The following UBAC2 variants were observed in gnomAD, a reference collection of about 807,000 sequenced individuals.
UBAC2 encodes the protein ubiquitin-associated domain-containing protein 2.
Under a neutral mutation model 44.0 loss-of-function variants are expected in UBAC2, and 26 were observed. The ratio of observed to expected loss-of-function variants is 0.59; its 90% CI spans 0.43 to 0.82. The LOEUF (loss-of-function observed/expected upper bound fraction) is 0.82, where lower values mean the gene tolerates loss of function less well. Ranked by LOEUF, UBAC2 falls within the 40% of genes least tolerant of loss-of-function variation. The probability of loss-of-function intolerance (pLI) is 0.00; values close to 1 mark genes in which losing one functional copy is unlikely to be tolerated. For missense variants in UBAC2, 329 were observed against 419.4 expected (o/e 0.78, Z 1.88); for synonymous variants, 155 against 154.3 (o/e 1.00, Z -0.04).
intron 8 of UBAC2, among the ~76,000 whole-genome samples, chr13:99,369,430 ACTTG>A (rs771214165): frequency 9.7e-4 from 148 of 152,250 alleles, no homozygotes; most frequent in Non-Finnish European, 1.8e-3. Flanking sequence ...TCTGTTTTTC[ACTTG>A]CAGCACGATA....
chr13:99,292,478 G>C (rs2044104160), intron 4 of UBAC2, among the ~76,000 whole-genome samples: 1 of 151,978 alleles, frequency 6.6e-6, no homozygotes, highest in South Asian at 2.1e-4. Context: ...AATTTATCAG[G>C]GTGCCTGTTC....
At chr13:99,274,031 G>A (rs1180515376) in intron 4 of UBAC2, among the ~76,000 whole-genome samples, 1 of 152,028 alleles carries the variant, frequency 6.6e-6, no homozygotes, top group Non-Finnish European at 1.5e-5. Flanking sequence ...TTTACAAAGT[G>A]ACACCTTCTA....
chr13:99,262,301 C>T (rs1175146027), intron 4 of UBAC2, among the ~76,000 whole-genome samples: 1 of 152,176 alleles, frequency 6.6e-6, no homozygotes, highest in Non-Finnish European at 1.5e-5. Context: ...GGGTTTGGTA[C>T]TATCTGCAGT....
At chr13:99,372,852 C>T (rs2045426221) in intron 8 of UBAC2, among the ~76,000 whole-genome samples, 1 of 152,242 alleles carries the variant, frequency 6.6e-6, no homozygotes, top group African/African-American at 2.4e-5. Context: ...CGGTGGCCCA[C>T]ACCTGTGATC....
At chr13:99,367,653 C>T in intron 7 of UBAC2, 134 bp from the exon 8 acceptor site, 9 of 1,247,536 alleles carry the variant, frequency 7.2e-6, no homozygotes, top group Non-Finnish European at 8.0e-6. Context: ...ATTTGAATTG[C>T]TTGCATAGAG....
chr13:99,265,290 C>A (rs1028766349), intron 4 of UBAC2, among the ~76,000 whole-genome samples: 5 of 152,228 alleles, frequency 3.3e-5, no homozygotes, highest in African/African-American at 1.2e-4. Flanking sequence ...GCTTCTTGCG[C>A]TCAGCAAGCC....
chr13:99,307,954 C>G (rs1372045592), intron 4 of UBAC2: 3 of 152,092 alleles, frequency 2.0e-5, no homozygotes, highest in Non-Finnish European at 4.4e-5. Flanking sequence ...CGTTTTCAGT[C>G]GAGAGGCTGC....
chr13:99,244,812 T>TGTTA (rs138817519), intron 4 of UBAC2, among the ~76,000 whole-genome samples, 188 bp downstream of exon 4: 1 of 151,278 alleles, frequency 6.6e-6, no homozygotes, highest in Non-Finnish European at 1.5e-5. Flanking sequence ...ATCAATTTTA[T>TGTTA]ATTCTTTCTT....
chr13:99,305,209 C>G (rs561962293), intron 4 of UBAC2, among the ~76,000 whole-genome samples: 1 of 152,130 alleles, frequency 6.6e-6, no homozygotes, highest in Non-Finnish European at 1.5e-5. Context: ...AGAGATTTAA[C>G]AAAATATTTT....
At chr13:99,276,955 A>G (rs1364871878) in intron 4 of UBAC2, among the ~76,000 whole-genome samples, 1 of 152,122 alleles carries the variant, frequency 6.6e-6, no homozygotes, top group African/African-American at 2.4e-5. Context: ...GCACTTCTGG[A>G]AAGCCCTGGC....
intron 1 of UBAC2, among the ~76,000 whole-genome samples, chr13:99,224,101 G>T (rs1264681777): frequency 6.6e-6 from 1 of 152,182 alleles, no homozygotes; most frequent in Non-Finnish European, 1.5e-5. Context: ...TTAAGGAACA[G>T]AAATTAATTT....
intron 8 of UBAC2, among the ~76,000 whole-genome samples, chr13:99,370,255 C>A (rs2045387256): frequency 6.6e-6 from 1 of 152,150 alleles, no homozygotes. Context: ...AATACCTGTG[C>A]ATGTCAGTAC....
intron 4 of UBAC2, among the ~76,000 whole-genome samples, chr13:99,305,690 G>C (rs969972389): frequency 6.6e-6 from 1 of 152,180 alleles, no homozygotes; most frequent in African/African-American, 2.4e-5. Context: ...AGTAATTTAT[G>C]CAAGGGATCA....
chr13:99,228,482 C>T lies in UBAC2; in HGVS notation c.32-9945C>T, dbSNP rs143845900. On this transcript the variant is annotated intron_variant, in intron 1 of 8. Transcript: ENST00000403766. The stretch of plus-strand genomic sequence containing the variant: ...CTAATTTTTGTATTTTTAGTAGTGA[C>T]GGGGCTTCACGATGTTGGCCAGGCT... 8.2e-3 allele frequency among the ~76,000 whole-genome samples: 1,252 copies of T among 152,010 alleles called. 14 individuals carry two copies. The highest frequency in any genetic ancestry group is 0.028 in the African/African-American group (1,167 of 41,454).
At chr13:99,202,501 CAA>C (rs1216687514) in intron 1 of UBAC2, among the ~76,000 whole-genome samples, 1 of 151,998 alleles carries the variant, frequency 6.6e-6, no homozygotes, top group African/African-American at 2.4e-5. Context: ...CCTTGCTGGC[CAA>C]AGTACATATA....
At chr13:99,368,141 G>C (rs2045356537) in intron 8 of UBAC2, among the ~76,000 whole-genome samples, 1 of 152,096 alleles carries the variant, frequency 6.6e-6, no homozygotes. Context: ...ATGGTAGCTT[G>C]TTTTAGATGC....
chr13:99,366,255 T>C (rs1302109653), intron 7 of UBAC2, among the ~76,000 whole-genome samples: 1 of 152,226 alleles, frequency 6.6e-6, no homozygotes, highest in Non-Finnish European at 1.5e-5. Context: ...GATCCTCCTA[T>C]ATTCAGGTCC....
intron 7 of UBAC2, among the ~76,000 whole-genome samples, chr13:99,343,367 G>T (rs781501815): frequency 8.9e-5 from 9 of 100,642 alleles, no homozygotes; most frequent in Non-Finnish European, 1.9e-4. Flanking sequence ...AACTCCGCAC[G>T]GTGTCTTTCC....
intron 7 of UBAC2, chr13:99,351,399 G>A: frequency 2.7e-6 from 1 of 376,118 alleles, no homozygotes; most frequent in South Asian, 2.0e-5. Flanking sequence ...ATTTTAAATG[G>A]TTATATAGGT....
Sources: gnomAD v4.1 joint callset for allele counts (sites outside exome capture counted in the v4.1 genomes callset) on GRCh38, gnomAD v4.1.1 for gene constraint, MANE v1.5 for transcripts, NCBI Gene and HGNC (gene_info 2026-07-23, HGNC 2026-07-21) for gene names.